Variants in SMARCB1 observed in about 807,000 individuals in gnomAD.
SMARCB1 encodes the protein SWI/SNF related BAF chromatin remodeling complex subunit B1.
In SMARCB1, 5 loss-of-function variants were observed where a neutral mutation model predicts 49.0. That is an observed-to-expected ratio of 0.10 (90% CI 0.05 to 0.21). The LOEUF (loss-of-function observed/expected upper bound fraction) is 0.21. Among genes scored for constraint, SMARCB1 ranks in the 10% least tolerant of loss-of-function variants. The pLI is 1.00. For synonymous variants in SMARCB1, 201 were observed against 200.1 expected, an observed-to-expected ratio of 1.00 and a Z score of -0.04; for missense variants, 226 against 509.2, an observed-to-expected ratio of 0.44 and a Z score of 5.35.
At chr22:23,822,499 G>A (rs1055412643) in intron 6 of SMARCB1, among the ~76,000 whole-genome samples, 2 of 151,792 alleles carry the variant, frequency 1.3e-5, no homozygotes, top group African/African-American at 2.4e-5. Context: ...CTCCCTCCCC[G>A]CCTTCCAGTA....
intron 6 of SMARCB1, 106 bp from the exon 7 acceptor site, chr22:23,825,119 T>C: frequency 3.4e-6 from 3 of 870,416 alleles, no homozygotes; most frequent in Non-Finnish European, 5.9e-6. Flanking sequence ...TCTCAGCTGG[T>C]GGACCCTGGT....
intron 5 of SMARCB1, among the ~76,000 whole-genome samples, chr22:23,809,262 G>A (rs1013593747): frequency 1.3e-5 from 2 of 150,728 alleles, no homozygotes; most frequent in Admixed American, 6.6e-5. Flanking sequence ...AGGAATGAAC[G>A]ATATTGGACA....
At chr22:23,796,196 C>T (rs1928739419) in intron 3 of SMARCB1, among the ~76,000 whole-genome samples, 1 of 152,104 alleles carries the variant, frequency 6.6e-6, no homozygotes, top group Non-Finnish European at 1.5e-5. Context: ...TTTCAAAGAA[C>T]AAAATGAATC....
chr22:23,810,527 C>CA (rs201408640), intron 5 of SMARCB1, among the ~76,000 whole-genome samples: 7,643 of 79,526 alleles, frequency 0.096, 1,422 homozygotes, highest in African/African-American at 0.31. Context: ...GACTCTGTCT[C>CA]AAAAAAAAAA....
chr22:23,803,404 T>A lies in SMARCB1; in HGVS notation c.610T>A (p.Phe204Ile). The A allele has an allele frequency of 6.2e-7, 1 of 1,614,174 alleles. No individual in the cohort carries two copies. Among genetic ancestry groups the A allele is most frequent in the South Asian group, 1.1e-5 (1 of 91,090 alleles). ...CGATGGGCAGAAGCTGCGAGACGCC[T>A]TCACCTGGAACATGAATGGTACAAG... Reference protein sequence around the residue: ...EIDGQKLRDAFTWNMNEKLMT... With the variant: ...EIDGQKLRDAITWNMNEKLMT... Residue 204 changes from phenylalanine (F) to isoleucine (I), a missense_variant, in exon 5 of 9, where the codon TTC (phenylalanine) becomes ATC (isoleucine). Physicochemically the swap from Phe to Ile is conservative, Grantham distance 21. This residue lies in a region of SMARCB1 where 128 missense variants were observed against 263.9 expected (regional missense o/e 0.49). Transcript: ENST00000644036.
chr22:23,806,880 A>G (rs1407897888), intron 5 of SMARCB1, among the ~76,000 whole-genome samples: 4 of 144,140 alleles, frequency 2.8e-5, no homozygotes, highest in Non-Finnish European at 1.5e-5. Flanking sequence ...AGATTGTGGC[A>G]TTGCACTTCA....
chr22:23,835,151 G>T lies in SMARCB1; in HGVS notation c.*971G>T. 2.3e-6 allele frequency: 3 copies of T among 1,326,428 alleles called. No individual in the cohort carries two copies. Among genetic ancestry groups the T allele is most frequent in the South Asian group, 4.4e-5 (2 of 45,644 alleles). The allele number at this position is 1,326,428 out of a possible 1,614,324, so 82.2% of individuals were successfully genotyped here. A position where few individuals can be genotyped will look rare whatever the true frequency, so the allele number is the denominator to read the frequency against. The stretch of plus-strand genomic sequence containing the variant: ...TGGTGCCAGCTCTTGGAGTTGACAC[G>T]GTACAGGGAGGAGACACAGCCCAGG... On this transcript the variant is annotated 3_prime_UTR_variant, in exon 9 of 9. Coordinates refer to ENST00000644036, the MANE Select transcript of SMARCB1 (RefSeq NM_003073.5).
At chr22:23,816,614 TCCACTC>T in intron 5 of SMARCB1, 150 bp from the exon 6 acceptor site, 2 of 744,358 alleles carry the variant, frequency 2.7e-6, no homozygotes, top group Admixed American at 3.7e-5. Context: ...GCTTCCTCCT[TCCACTC>T]CCAGTTTCCA....
At chr22:23,832,731 C>T (rs2030720551) in intron 7 of SMARCB1, among the ~76,000 whole-genome samples, 1 of 152,218 alleles carries the variant, frequency 6.6e-6, no homozygotes, top group Non-Finnish European at 1.5e-5. Context: ...CTGTGGTCTC[C>T]TTAGTGTCCT....
chr22:23,814,515 A>G (rs1412548948), intron 5 of SMARCB1, among the ~76,000 whole-genome samples: 2 of 151,864 alleles, frequency 1.3e-5, no homozygotes, highest in African/African-American at 4.8e-5. Flanking sequence ...AAAATACACA[A>G]TTAGCTGGGC....
chr22:23,790,196 TAGG>T (rs1568935091), intron 1 of SMARCB1, among the ~76,000 whole-genome samples: 1 of 151,904 alleles, frequency 6.6e-6, no homozygotes, highest in South Asian at 2.1e-4. Context: ...AAGGTAGTCA[TAGG>T]GGGGAGTATT....
At chr22:23,819,276 A>G (rs2029946942) in intron 6 of SMARCB1, among the ~76,000 whole-genome samples, 2 of 152,182 alleles carry the variant, frequency 1.3e-5, no homozygotes, top group African/African-American at 2.4e-5. Context: ...TAATGCTGCT[A>G]TGAACCTGGG....
Position 23,834,365 on chromosome 22 carries a change from G to GCCCCCCCCCCCCCCCCCCCCCCCCCCC in SMARCB1, c.*191_*192insCCCCCCCCCCCCCCCCCCCCCCCCCCC. The GCCCCCCCCCCCCCCCCCCCCCCCCCCC allele has an allele frequency of 4.3e-6, 3 of 700,728 alleles. No homozygotes were observed. The highest frequency in any genetic ancestry group is 7.7e-6 in the Non-Finnish European group (3 of 389,088). 43.4% of individuals were successfully genotyped at this position (700,728 alleles called of 1,614,324 possible). On this transcript the variant is annotated 3_prime_UTR_variant, in exon 9 of 9. Coordinates refer to ENST00000644036, the MANE Select transcript of SMARCB1 (RefSeq NM_003073.5). ...ATTCCATTTGTTGAGCCCCAGTCCTGCCCCCCACCCCACCCTCCCTACCCC... is the reference window on the plus strand; with the variant it reads ...ATTCCATTTGTTGAGCCCCAGTCCTGCCCCCCCCCCCCCCCCCCCCCCCCCCCCCCCCCACCCCACCCTCCCTACCCC...
Position 23,816,750 on chromosome 22 carries a change from C to T in SMARCB1, c.629-20C>T. 1 of 1,610,892 alleles carries T rather than the reference C, an allele frequency of 6.2e-7. No homozygotes were observed. The highest frequency in any genetic ancestry group is 1.1e-5 in the South Asian group (1 of 91,052). On this transcript the variant is annotated intron_variant, in intron 5 of 8. Transcript: ENST00000644036. ...AGCATGGTGCAATCTCTTGGCATCC[C>T]TTCCCTCTCCTGATTTCAGAGAAGT...
rs1009151859 is a variant in SMARCB1 at position 23,837,467 on chromosome 22, C to T, written c.*3287C>T. On this transcript the variant is annotated 3_prime_UTR_variant, in exon 9 of 9. Coordinates refer to ENST00000644036, the MANE Select transcript of SMARCB1 (RefSeq NM_003073.5). ...GCAAGCATCAGTAGATCCGTCCTGACGATGCAAATTATGTGGGCCGGCTGG... is the reference window on the plus strand; with the variant it reads ...GCAAGCATCAGTAGATCCGTCCTGATGATGCAAATTATGTGGGCCGGCTGG... 38 of 677,832 alleles carry T rather than the reference C, an allele frequency of 5.6e-5. 1 individual carries two copies. Among genetic ancestry groups the T allele is most frequent in the Admixed American group, 8.7e-5 (3 of 34,412 alleles). The allele number at this position is 677,832 out of a possible 1,614,324, so 42.0% of individuals were successfully genotyped here. A position where few individuals can be genotyped will look rare whatever the true frequency, so the allele number is the denominator to read the frequency against.
intron 5 of SMARCB1, chr22:23,815,437 A>G (rs34153752): frequency 0.17 from 25,521 of 152,146 alleles, 2,524 homozygotes; most frequent in South Asian, 0.28. Flanking sequence ...GGGAGGCTGA[A>G]GCAGGAGAAT....
chr22:23,809,884 C>CT (rs1433647575), intron 5 of SMARCB1, among the ~76,000 whole-genome samples: 1 of 151,986 alleles, frequency 6.6e-6, no homozygotes, highest in Non-Finnish European at 1.5e-5. Flanking sequence ...TGAAAGAAAA[C>CT]TAAGTGCTGG....
chr22:23,798,262 C>T (rs1439181105), intron 3 of SMARCB1, among the ~76,000 whole-genome samples: 1 of 152,158 alleles, frequency 6.6e-6, no homozygotes, highest in Non-Finnish European at 1.5e-5. Context: ...GAATGTGCTT[C>T]TTAAAATTTT....
In SMARCB1 at chr22:23,837,176, TG is replaced by T; in HGVS notation, c.*3000del. ...ATCCCTGTGAGACAGCCACGGACTGTGGGGTCACCCTCCACAGCCCAGAGTC... is the reference window on the plus strand; with the variant it reads ...ATCCCTGTGAGACAGCCACGGACTGTGGGTCACCCTCCACAGCCCAGAGTC... On this transcript the variant is annotated 3_prime_UTR_variant, in exon 9 of 9. Coordinates refer to ENST00000644036, the MANE Select transcript of SMARCB1 (RefSeq NM_003073.5). 1 of 1,612,816 alleles carries T rather than the reference TG, an allele frequency of 6.2e-7. No homozygotes were observed. The highest frequency in any genetic ancestry group is 8.5e-7 in the Non-Finnish European group (1 of 1,179,498).
Sources: allele counts gnomAD v4.1 joint callset (sites outside exome capture counted in the v4.1 genomes callset), GRCh38; gene constraint gnomAD v4.1.1; regional missense constraint gnomAD v4.1.1; transcripts MANE v1.5; gene names NCBI Gene and HGNC (gene_info 2026-07-23, HGNC 2026-07-21).